GBF1: variants seen among roughly 807,000 people sequenced by gnomAD.
The protein encoded by GBF1 is Golgi-specific brefeldin A-resistance guanine nucleotide exchange factor 1.
In GBF1, 114 loss-of-function variants were observed where a neutral mutation model predicts 210.5. The ratio of observed to expected loss-of-function variants is 0.54; its 90% CI spans 0.47 to 0.63. GBF1 has a LOEUF of 0.63. Ranked by LOEUF, GBF1 falls within the 30% of genes least tolerant of loss-of-function variation. The pLI is 0.00. For synonymous variants in GBF1, 850 were observed against 889.2 expected (o/e 0.96, Z 0.78); for missense variants, 1,851 against 2,357.7 (o/e 0.79, Z 4.45).
intron 3 of GBF1, among the ~76,000 whole-genome samples, chr10:102,341,466 CT>C (rs2058178263): frequency 2.0e-5 from 3 of 152,330 alleles, no homozygotes; most frequent in African/African-American, 4.8e-5. Context: ...AAGTGGAAAC[CT>C]GTGTTCACAC....
intron 33 of GBF1, among the ~76,000 whole-genome samples, chr10:102,378,803 G>C (rs1026988288): frequency 6.6e-6 from 1 of 151,900 alleles, no homozygotes; most frequent in Non-Finnish European, 1.5e-5. Context: ...CTGTGGCAGC[G>C]CACAGCTGTA....
At chr10:102,233,417 C>G in the GBF1 span, among the ~76,000 whole-genome samples, 1 of 149,248 alleles carries the variant, frequency 6.7e-6, no homozygotes, top group Non-Finnish European at 1.5e-5. Flanking sequence ...TATTCTCCTG[C>G]CTCAGCCTCC....
At chr10:102,238,090 G>A in the GBF1 span, among the ~76,000 whole-genome samples, 1 of 152,174 alleles carries the variant, frequency 6.6e-6, no homozygotes, top group Non-Finnish European at 1.5e-5. Flanking sequence ...TGGGAAAGGA[G>A]AGATAGAGTT....
intron 3 of GBF1, among the ~76,000 whole-genome samples, chr10:102,283,729 C>A (rs1467293830): frequency 6.6e-6 from 1 of 152,138 alleles, no homozygotes; most frequent in Non-Finnish European, 1.5e-5. Flanking sequence ...TGTCTGTTGG[C>A]AAGTTTTAAC....
intron 3 of GBF1, among the ~76,000 whole-genome samples, chr10:102,303,962 G>A (rs948198594): frequency 6.6e-6 from 1 of 151,864 alleles, no homozygotes; most frequent in African/African-American, 2.4e-5. Flanking sequence ...ATTTGCTATG[G>A]TCATACCAGG....
rs78669666 is a variant in GBF1 at position 102,356,122 on chromosome 10, G to A, written c.640-1917G>A. The stretch of plus-strand genomic sequence containing the variant: ...CAGCTGTTCAGCCTCATCTTTATTG[G>A]AAGGAGCTATGGGTAGGAATGGAAG... On this transcript the variant is annotated intron_variant, in intron 8 of 39. Coordinates refer to ENST00000369983, the MANE Select transcript of GBF1 (RefSeq NM_001377137.1). Among the ~76,000 whole-genome samples the A allele has an allele frequency of 4.3e-4, 66 of 152,304 alleles. 2 individuals carry two copies. The East Asian group carries it at 0.011, about 24-fold the overall frequency.
At chr10:102,344,526 G>T (rs913034971) in intron 4 of GBF1, among the ~76,000 whole-genome samples, 1 of 152,098 alleles carries the variant, frequency 6.6e-6, no homozygotes, top group Admixed American at 6.6e-5. Flanking sequence ...TGTCGCCCAG[G>T]CTGGAGTGCA....
At chr10:102,351,735 C>G (rs2058991789) in intron 5 of GBF1, 108 bp from the exon 6 acceptor site, 1 of 698,330 alleles carries the variant, frequency 1.4e-6, no homozygotes, top group Admixed American at 2.2e-5. Context: ...TTGGAGACCT[C>G]TCTACCAAGC....
chr10:102,304,638 G>A (rs1347888377), intron 3 of GBF1, among the ~76,000 whole-genome samples: 5 of 151,710 alleles, frequency 3.3e-5, no homozygotes, highest in South Asian at 2.1e-4. Context: ...AGCCAGGTGC[G>A]GTGGCACACG....
intron 3 of GBF1, among the ~76,000 whole-genome samples, chr10:102,343,122 G>C (rs888278547): frequency 1.3e-5 from 2 of 152,174 alleles, no homozygotes; most frequent in Non-Finnish European, 2.9e-5. Context: ...AAACAGGCCG[G>C]ACAGTGGTTA....
chr10:102,236,459 CCA>C, the GBF1 span, among the ~76,000 whole-genome samples: 2 of 152,176 alleles, frequency 1.3e-5, no homozygotes, highest in African/African-American at 4.8e-5. Flanking sequence ...TGGCCCAGTC[CCA>C]CTGGTATCAG....
Position 102,362,662 on chromosome 10 carries a change from A to G in GBF1, c.1874A>G (p.Asn625Ser), listed in dbSNP as rs767738433. The change falls in exon 15 of 40, where the codon AAT (asparagine) becomes AGT (serine). Residue 625 changes from asparagine to serine, a missense_variant and splice_region_variant. Coordinates refer to ENST00000369983, the MANE Select transcript of GBF1 (RefSeq NM_001377137.1). The part of the protein sequence containing the change: ...EIVDGTREAS[N>S]TERTASDGKA... ...GTAGATGGCACCCGAGAAGCTAGCA[A>G]TAGTGAGAGGCATTTCTTTCTTTGA... 4 of 1,610,854 alleles carry G rather than the reference A, an allele frequency of 2.5e-6. No homozygotes were observed. The highest frequency in any genetic ancestry group is 2.2e-5 in the South Asian group (2 of 91,014).
chr10:102,370,443 C>G lies in GBF1; in HGVS notation c.3471C>G (p.Cys1157Trp). ...ETYDEEDAAF[C>W]LEMLLRIVLE... The stretch of plus-strand genomic sequence containing the variant: ...ATGATGAGGAAGATGCTGCTTTCTG[C>G]CTAGAGATGCTGCTAAGGATTGTGT... The change falls in exon 28 of 40, where the codon TGC becomes TGG. Residue 1157 changes from cysteine to tryptophan, a missense_variant. Around this residue, in one of 3 missense-constraint regions of GBF1, gnomAD observed 967 missense variants for 1,247.7 expected, o/e 0.78. Transcript: ENST00000369983. The G allele has an allele frequency of 6.2e-7, 1 of 1,612,986 alleles. No homozygotes were observed. Among genetic ancestry groups the G allele is most frequent in the Non-Finnish European group, 8.5e-7 (1 of 1,178,950 alleles).
At chr10:102,369,028 T>C (rs1214784301) in intron 23 of GBF1, among the ~76,000 whole-genome samples, 183 bp from the exon 24 acceptor site, 1 of 151,992 alleles carries the variant, frequency 6.6e-6, no homozygotes, top group African/African-American at 2.4e-5. Context: ...GTAATGGGGA[T>C]GGGAAAGGAG....
chr10:102,308,425 C>T (rs972009375), intron 3 of GBF1, among the ~76,000 whole-genome samples: 8 of 152,070 alleles, frequency 5.3e-5, no homozygotes, highest in Non-Finnish European at 8.8e-5. Flanking sequence ...CACACGCACA[C>T]GTATGTTTAT....
intron 3 of GBF1, among the ~76,000 whole-genome samples, chr10:102,339,378 A>G (rs1339358782): frequency 6.6e-6 from 1 of 150,538 alleles, no homozygotes; most frequent in East Asian, 2.0e-4. Flanking sequence ...AAGACTTAGT[A>G]TATATCGGCA....
chr10:102,275,226 G>T (rs893439900), intron 3 of GBF1, among the ~76,000 whole-genome samples: 1 of 152,020 alleles, frequency 6.6e-6, no homozygotes, highest in South Asian at 2.1e-4. Flanking sequence ...TCCAGCCAGG[G>T]TCTAATAGTC....
At chr10:102,371,925 C>CAA (rs750951758) in intron 29 of GBF1, among the ~76,000 whole-genome samples, 2 of 97,156 alleles carry the variant, frequency 2.1e-5, no homozygotes, top group Admixed American at 1.1e-4. Context: ...GATTCTGTCT[C>CAA]AAAAAAAAAA....
Position 102,325,154 on chromosome 10 carries a change from G to A in GBF1, c.164-18897G>A, listed in dbSNP as rs74627133. On this transcript the variant is annotated intron_variant, in intron 3 of 39. Coordinates refer to ENST00000369983, the MANE Select transcript of GBF1 (RefSeq NM_001377137.1). ...ACTAAAGTTTGTTGCTTTTCTCCCC[G>A]AATCTAATTCCCTAAGTGCGTTACA... Among the ~76,000 whole-genome samples the A allele has an allele frequency of 5.1e-4, 77 of 152,212 alleles. No individual in the cohort carries two copies. The East Asian group carries it at 0.014, about 28-fold the overall frequency.
Sources: allele counts gnomAD v4.1 joint callset (sites outside exome capture counted in the v4.1 genomes callset), GRCh38; gene constraint gnomAD v4.1.1; regional missense constraint gnomAD v4.1.1; transcripts MANE v1.5; gene names NCBI Gene and HGNC (gene_info 2026-07-23, HGNC 2026-07-21).